Variants in RBFOX1 observed in about 807,000 individuals in gnomAD.
The protein encoded by RBFOX1 is RNA binding protein fox-1 homolog 1.
A neutral mutation model predicts 57.7 loss-of-function variants in RBFOX1; 8 were observed. The ratio of observed to expected loss-of-function variants is 0.14; its 90% CI spans 0.08 to 0.25. The LOEUF is 0.25. Among genes scored for constraint, RBFOX1 ranks in the 10% least tolerant of loss-of-function variants. RBFOX1 has a pLI of 1.00. For missense variants in RBFOX1, 611 were observed against 548.5 expected (o/e 1.11, Z -1.14); for synonymous variants, 326 against 222.4 (o/e 1.47, Z -4.15).
At chr16:6,526,339 C>A (rs1047716860) in intron 2 of RBFOX1, among the ~76,000 whole-genome samples, 56 of 152,106 alleles carry the variant, frequency 3.7e-4, no homozygotes, top group African/African-American at 1.3e-3. Context: ...GTGTTAATAC[C>A]AAGCACATCC....
chr16:6,408,547 G>C (rs886781905), intron 2 of RBFOX1, among the ~76,000 whole-genome samples: 1 of 152,154 alleles, frequency 6.6e-6, no homozygotes, highest in African/African-American at 2.4e-5. Context: ...ACTTTTCAGA[G>C]CGTTATTGAT....
intron 3 of RBFOX1, among the ~76,000 whole-genome samples, chr16:5,683,829 A>G (rs2050421375): frequency 6.7e-6 from 1 of 148,682 alleles, no homozygotes; most frequent in African/African-American, 2.4e-5. Context: ...AATTTAATGT[A>G]TATTATATGT....
rs150077063 is a variant in RBFOX1 at position 6,339,649 on chromosome 16, T to TTTTTATTTTA, written c.-64+22622_-64+22631dup. ...TAAACATCTTAAGCGATTCCTTTAT[T>TTTTTATTTTA]TTTTATTTTATTTTATTTTATTTTA... On this transcript the variant is annotated intron_variant, in intron 2 of 15. Coordinates refer to ENST00000550418, the MANE Select transcript of RBFOX1 (RefSeq NM_018723.4). Among the ~76,000 whole-genome samples the TTTTTATTTTA allele has an allele frequency of 5.5e-4, 80 of 145,306 alleles. 1 individual carries two copies. The highest frequency in any genetic ancestry group is 1.9e-3 in the African/African-American group (75 of 38,512).
intron 1 of RBFOX1, among the ~76,000 whole-genome samples, chr16:5,311,808 C>G (rs2064097628): frequency 6.6e-6 from 1 of 152,190 alleles, no homozygotes; most frequent in South Asian, 2.1e-4. Context: ...ATGCGTTGGC[C>G]TCTTGTTGCT....
At chr16:6,944,310 G>A (rs753488247) in intron 3 of RBFOX1, among the ~76,000 whole-genome samples, 25 of 151,374 alleles carry the variant, frequency 1.7e-4, no homozygotes, top group Middle Eastern at 3.4e-3. Flanking sequence ...CAGGAGAATC[G>A]CTTGAACCGA....
intron 4 of RBFOX1, among the ~76,000 whole-genome samples, chr16:7,073,020 C>T (rs2057637866): frequency 6.6e-6 from 1 of 152,120 alleles, no homozygotes; most frequent in Admixed American, 6.5e-5. Flanking sequence ...TGTGAGTCCT[C>T]ACAGGGAGGG....
At chr16:5,736,682 G>C (rs1032543803) in intron 3 of RBFOX1, among the ~76,000 whole-genome samples, 1 of 152,046 alleles carries the variant, frequency 6.6e-6, no homozygotes, top group East Asian at 1.9e-4. Flanking sequence ...GTGTCTCTCA[G>C]ATTGTCTGTC....
chr16:6,570,461 G>C (rs987586440), intron 2 of RBFOX1, among the ~76,000 whole-genome samples: 22 of 151,858 alleles, frequency 1.4e-4, no homozygotes, highest in African/African-American at 5.3e-4. Flanking sequence ...CTCTAATAAG[G>C]CTCAGAAGAT....
rs370978622 is a variant in RBFOX1, at chr16:7,668,991, G to A, written c.930+4023G>A. On this transcript the variant is annotated intron_variant, in intron 13 of 15. Coordinates refer to ENST00000550418, the MANE Select transcript of RBFOX1 (RefSeq NM_018723.4). ...CGATCTCAGCTCACTTGCAACCTCC[G>A]CTTCCAGGGTTCAAGGGACTCTTCA... is the stretch of plus-strand genomic sequence containing the variant. Among the ~76,000 whole-genome samples the A allele has an allele frequency of 6.6e-5, 10 of 152,246 alleles. No individual in the cohort carries two copies. The East Asian group carries it at 7.7e-4, about 12-fold the overall frequency.
At chr16:6,451,202 A>G (rs997812250) in intron 2 of RBFOX1, among the ~76,000 whole-genome samples, 1 of 151,690 alleles carries the variant, frequency 6.6e-6, no homozygotes, top group African/African-American at 2.4e-5. Flanking sequence ...TTATTTTTTT[A>G]TTTTTGAAGC....
rs146557210 is a variant in RBFOX1, at chr16:6,688,942, C to G, written c.-16+34292C>G. On this transcript the variant is annotated intron_variant, in intron 3 of 15. Transcript: ENST00000550418. Reference sequence around the variant, plus strand: ...TGAGAATGATGGTTTCCAGCTTCGTCCATGTCCCTGCGAAGGATATGAACT... The same window carrying G: ...TGAGAATGATGGTTTCCAGCTTCGTGCATGTCCCTGCGAAGGATATGAACT... Among the ~76,000 whole-genome samples, 7 of 151,882 alleles carry G rather than the reference C, an allele frequency of 4.6e-5. No individual in the cohort carries two copies. The East Asian group carries it at 1.4e-3, about 30-fold the overall frequency.
intron 2 of RBFOX1, among the ~76,000 whole-genome samples, chr16:6,640,575 T>C (rs1602370576): frequency 6.6e-6 from 1 of 152,160 alleles, no homozygotes; most frequent in South Asian, 2.1e-4. Flanking sequence ...GCCACTGCAC[T>C]CCAGCCTCAG....
intron 3 of RBFOX1, among the ~76,000 whole-genome samples, chr16:7,034,622 ATC>A (rs1033171251): frequency 6.6e-6 from 1 of 151,824 alleles, no homozygotes; most frequent in African/African-American, 2.4e-5. Flanking sequence ...TTTTGTGTCT[ATC>A]TCATTGAAGA....
chr16:6,869,090 A>C (rs912455323), intron 3 of RBFOX1, among the ~76,000 whole-genome samples: 2 of 152,180 alleles, frequency 1.3e-5, no homozygotes, highest in African/African-American at 4.8e-5. Context: ...CACTAACTTC[A>C]GGGGCTGTTT....
intron 4 of RBFOX1, among the ~76,000 whole-genome samples, chr16:7,104,574 G>A (rs1343356952): frequency 6.6e-6 from 1 of 152,148 alleles, no homozygotes; most frequent in South Asian, 2.1e-4. Context: ...GGCTGAAAAT[G>A]TTGGGCTTCT....
chr16:7,357,135 G>A (rs1300182881), intron 4 of RBFOX1, among the ~76,000 whole-genome samples: 2 of 151,984 alleles, frequency 1.3e-5, no homozygotes, highest in African/African-American at 2.4e-5. Context: ...CTGTGTGCTC[G>A]AGGTGCTGGG....
chr16:5,700,887 G>A (rs2051023118), intron 3 of RBFOX1, among the ~76,000 whole-genome samples: 1 of 152,186 alleles, frequency 6.6e-6, no homozygotes, highest in Admixed American at 6.5e-5. Flanking sequence ...GTCCACTCCA[G>A]GAGCTGAGCA....
At chr16:7,293,276 G>C (rs2095829614) in intron 4 of RBFOX1, among the ~76,000 whole-genome samples, 3 of 152,112 alleles carry the variant, frequency 2.0e-5, no homozygotes, top group South Asian at 2.1e-4. Flanking sequence ...CATTGTATTA[G>C]TAAACCTAGA....
chr16:7,183,860 C>A (rs139042985), intron 4 of RBFOX1, among the ~76,000 whole-genome samples: 5 of 152,180 alleles, frequency 3.3e-5, no homozygotes, highest in African/African-American at 1.2e-4. Flanking sequence ...TATCAGGTCT[C>A]TGCCCTCATG....
Sources: allele counts gnomAD v4.1 joint callset (sites outside exome capture counted in the v4.1 genomes callset), GRCh38; gene constraint gnomAD v4.1.1; transcripts MANE v1.5; gene names NCBI Gene and HGNC (gene_info 2026-07-23, HGNC 2026-07-21).